The following CNTRL variants were observed in gnomAD, a reference collection of about 807,000 sequenced individuals.
The protein encoded by CNTRL is centriolin.
A neutral mutation model predicts 303.7 loss-of-function variants in CNTRL; 233 were observed. The ratio of observed to expected loss-of-function variants is 0.77; its 90% CI spans 0.69 to 0.86. The LOEUF is 0.86. CNTRL is among the 40% of genes least tolerant of loss of function. The probability of loss-of-function intolerance (pLI) is 0.00; values close to 1 mark genes in which losing one functional copy is unlikely to be tolerated. For synonymous variants in CNTRL, 900 were observed against 922.2 expected (o/e 0.98, Z 0.44); for missense variants, 2,524 against 2,650.6 (o/e 0.95, Z 1.05).
rs1423932364 is a variant in CNTRL, at chr9:121,171,563, A to G, written c.6417+15A>G. On this transcript the variant is annotated intron_variant, in intron 40 of 43. Coordinates refer to ENST00000373855, the MANE Select transcript of CNTRL (RefSeq NM_007018.6). Reference sequence around the variant, plus strand: ...TCAAGAAACAGGTGTGTGCCCAGAAAGCCCAGCTGGCCAGCCTGGGGAGAG... The same window carrying G: ...TCAAGAAACAGGTGTGTGCCCAGAAGGCCCAGCTGGCCAGCCTGGGGAGAG... 1 of 1,611,296 alleles carries G rather than the reference A, an allele frequency of 6.2e-7. No individual in the cohort carries two copies. The highest frequency in any genetic ancestry group is 8.5e-7 in the Non-Finnish European group (1 of 1,178,600).
At chr9:121,081,900 A>G (rs2048154925) in intron 2 of CNTRL, among the ~76,000 whole-genome samples, 1 of 152,214 alleles carries the variant, frequency 6.6e-6, no homozygotes, top group Non-Finnish European at 1.5e-5. Context: ...GGTTGGGCTT[A>G]AAGTCCCAAC....
chr9:121,156,049 TG>T (rs958081398), intron 27 of CNTRL, among the ~76,000 whole-genome samples: 2 of 151,978 alleles, frequency 1.3e-5, no homozygotes, highest in African/African-American at 4.8e-5. Flanking sequence ...TGTCATATGT[TG>T]GATTACTGTG....
intron 7 of CNTRL, among the ~76,000 whole-genome samples, chr9:121,105,160 C>G (rs911339509): frequency 1.3e-5 from 2 of 152,296 alleles, no homozygotes; most frequent in East Asian, 3.9e-4. Flanking sequence ...TGAATACATT[C>G]ACAAGATCTT....
At chr9:121,168,416 A>G in intron 38 of CNTRL, 95 bp downstream of exon 38, 1 of 983,758 alleles carries the variant, frequency 1.0e-6, no homozygotes, top group Non-Finnish European at 1.5e-6. Flanking sequence ...GACCCCAGCC[A>G]GAGCCCAGGA....
At chr9:121,102,449 TG>T (rs1196553253) in intron 7 of CNTRL, among the ~76,000 whole-genome samples, 1 of 152,190 alleles carries the variant, frequency 6.6e-6, no homozygotes, top group South Asian at 2.1e-4. Context: ...TCATACTGAA[TG>T]GGCAAAAACT....
intron 9 of CNTRL, among the ~76,000 whole-genome samples, chr9:121,113,242 C>T (rs1297735883): frequency 6.6e-6 from 1 of 152,074 alleles, no homozygotes; most frequent in Non-Finnish European, 1.5e-5. Context: ...GTAGGCAGTT[C>T]TTTAATCAAT....
chr9:121,098,096 T>C (rs2132590553), intron 6 of CNTRL, among the ~76,000 whole-genome samples: 1 of 152,338 alleles, frequency 6.6e-6, no homozygotes, highest in South Asian at 2.1e-4. Context: ...TTTGGGCAAG[T>C]CGCCTAACTT....
chr9:121,176,262 A>G (rs544913746), intron 43 of CNTRL, among the ~76,000 whole-genome samples: 11 of 152,344 alleles, frequency 7.2e-5, no homozygotes, highest in South Asian at 2.1e-4. Flanking sequence ...GGGCTAATCT[A>G]TCTTTACCAC....
chr9:121,157,743 G>T lies in CNTRL; in HGVS notation c.4500G>T (p.Ser1500=). The T allele has an allele frequency of 6.2e-7, 1 of 1,613,928 alleles. No homozygotes were observed. Among genetic ancestry groups the T allele is most frequent in the Non-Finnish European group, 8.5e-7 (1 of 1,179,964 alleles). Residue 1500 remains serine (S), a synonymous_variant, in exon 29 of 44, where the codon TCG becomes TCT. Transcript: ENST00000373855. ...GGAATAAAGCAATGTGCTTTAGATC[G>T]CTCCAGGCTGATGCAAAGGATTTGG... ...NLVKADQQLR[S]LQADAKDLEQ...
chr9:121,166,278 A>G, intron 36 of CNTRL, 98 bp downstream of exon 36: 1 of 769,360 alleles, frequency 1.3e-6, no homozygotes, highest in Non-Finnish European at 2.1e-6. Context: ...TCCTCTTCAC[A>G]ACAGCAGATA....
chr9:121,145,777 A>G (rs1477677446), intron 22 of CNTRL, among the ~76,000 whole-genome samples: 2 of 152,066 alleles, frequency 1.3e-5, no homozygotes, highest in Non-Finnish European at 2.9e-5. Flanking sequence ...GCACCTGTAA[A>G]CCCAGCTACT....
chr9:121,078,549 G>A (rs1384612945), intron 1 of CNTRL, among the ~76,000 whole-genome samples: 2 of 152,212 alleles, frequency 1.3e-5, no homozygotes, highest in East Asian at 3.9e-4. Flanking sequence ...CCACAGGACT[G>A]TCCTCTAGTT....
intron 27 of CNTRL, among the ~76,000 whole-genome samples, chr9:121,155,687 G>A (rs971039257): frequency 6.6e-6 from 1 of 152,154 alleles, no homozygotes; most frequent in African/African-American, 2.4e-5. Context: ...ACCTTTTATT[G>A]AGCCACTGCT....
intron 7 of CNTRL, among the ~76,000 whole-genome samples, chr9:121,105,251 A>C (rs1326951835): frequency 2.0e-5 from 3 of 152,210 alleles, no homozygotes; most frequent in Non-Finnish European, 2.9e-5. Flanking sequence ...TGTAGTTAAC[A>C]TGCTGGATGT....
Position 121,150,411 on chromosome 9 carries a change from A to AC in CNTRL, c.3897dup (p.Asn1300GlnfsTer18), listed in dbSNP as rs1243893714. On this transcript the variant is annotated frameshift_variant, in exon 25 of 44. Coordinates refer to ENST00000373855, the MANE Select transcript of CNTRL (RefSeq NM_007018.6). LOFTEE classifies it high-confidence loss of function. ...GGGCCCCCATGGTGTATGGGCCTCC[A>AC]CCCCCCAACTTCTCCATCCCCTTCA... 1.9e-6 allele frequency: 3 copies of AC among 1,613,556 alleles called. No individual in the cohort carries two copies. The highest frequency in any genetic ancestry group is 2.5e-6 in the Non-Finnish European group (3 of 1,179,956).
chr9:121,140,500 C>T lies in CNTRL; in HGVS notation c.2338-141C>T, dbSNP rs3761852. The T allele has an allele frequency of 1.7e-5, 11 of 663,180 alleles. No homozygotes were observed. In the Admixed American group the frequency reaches 1.8e-4, roughly 11 times the overall value. The allele number at this position is 663,180 out of a possible 1,614,324, so 41.1% of individuals were successfully genotyped here. ...CTGAGTTTGAAGTAGATTAATCATA[C>T]GGAAATTTTAGAAATTTCTTTTTAC... On this transcript the variant is annotated intron_variant, in intron 16 of 43. Transcript: ENST00000373855.
At chr9:121,152,199 C>A in intron 25 of CNTRL, 1 of 326,492 alleles carries the variant, frequency 3.1e-6, no homozygotes, top group Non-Finnish European at 5.7e-6. Flanking sequence ...AGACTTCTGT[C>A]TATCTCTTCT....
At chr9:121,078,340 G>A (rs780382985) in intron 1 of CNTRL, among the ~76,000 whole-genome samples, 9 of 151,232 alleles carry the variant, frequency 6.0e-5, no homozygotes, top group Non-Finnish European at 8.9e-5. Flanking sequence ...CCTGGGAGGC[G>A]GAGGTTATAG....
chr9:121,138,419 ATAAAAT>A (rs2051314281), intron 15 of CNTRL, 120 bp from the exon 16 acceptor site: 1 of 974,848 alleles, frequency 1.0e-6, no homozygotes, highest in African/African-American at 1.6e-5. Flanking sequence ...GAGTACAAAC[ATAAAAT>A]TGAGTTGTAA....
Sources: allele counts gnomAD v4.1 joint callset (sites outside exome capture counted in the v4.1 genomes callset), GRCh38; gene constraint gnomAD v4.1.1; transcripts MANE v1.5; gene names NCBI Gene and HGNC (gene_info 2026-07-23, HGNC 2026-07-21).